PPM1L: variants seen among roughly 807,000 people sequenced by gnomAD.
The protein encoded by PPM1L is protein phosphatase, Mg2+/Mn2+ dependent 1L.
PPM1L carries 13 observed loss-of-function variants against 31.4 expected under a neutral mutation model. The observed-to-expected ratio is 0.41, with a 90% CI of 0.27 to 0.66. The LOEUF (loss-of-function observed/expected upper bound fraction) is 0.66. Ranked by LOEUF, PPM1L falls within the 30% of genes least tolerant of loss-of-function variation. PPM1L has a pLI of 0.29. For synonymous variants in PPM1L, 184 were observed against 175.4 expected (o/e 1.05, Z -0.39); for missense variants, 326 against 453.7 (o/e 0.72, Z 2.56).
chr3:160,761,961 C>G (rs951163144), intron 1 of PPM1L, among the ~76,000 whole-genome samples: 24 of 152,328 alleles, frequency 1.6e-4, no homozygotes, highest in African/African-American at 5.8e-4. Context: ...CTGGGTCCCT[C>G]CCACAATATT....
intron 1 of PPM1L, among the ~76,000 whole-genome samples, chr3:160,789,410 A>G (rs1712032832): frequency 1.3e-5 from 2 of 151,860 alleles, no homozygotes; most frequent in Admixed American, 6.6e-5. Context: ...TCACTCTTCT[A>G]TTTGTATCTC....
chr3:160,821,768 C>T (rs1198691041), intron 1 of PPM1L, among the ~76,000 whole-genome samples: 4 of 151,518 alleles, frequency 2.6e-5, no homozygotes, highest in African/African-American at 9.7e-5. Context: ...ACTTCTTTAT[C>T]TTTAATCCCA....
chr3:160,843,068 T>C (rs1344470718), intron 1 of PPM1L, among the ~76,000 whole-genome samples: 2 of 152,088 alleles, frequency 1.3e-5, no homozygotes, highest in Non-Finnish European at 2.9e-5. Context: ...TAAAGGAATG[T>C]CTCCAAATCT....
intron 1 of PPM1L, among the ~76,000 whole-genome samples, chr3:160,868,930 T>C (rs1272929326): frequency 6.6e-6 from 1 of 152,228 alleles, no homozygotes; most frequent in Non-Finnish European, 1.5e-5. Context: ...GTAATAGTTA[T>C]TGTTTTGGGT....
intron 2 of PPM1L, among the ~76,000 whole-genome samples, chr3:161,020,395 A>AAT (rs1385685072): frequency 1.3e-5 from 2 of 152,176 alleles, no homozygotes; most frequent in Non-Finnish European, 2.9e-5. Flanking sequence ...ACTTCTAATA[A>AAT]AGCTGATTGA....
chr3:160,765,765 A>G (rs1715086993), intron 1 of PPM1L, among the ~76,000 whole-genome samples: 1 of 152,200 alleles, frequency 6.6e-6, no homozygotes, highest in East Asian at 1.9e-4. Context: ...TTTAGGATAA[A>G]TATGTAGGAG....
intron 2 of PPM1L, among the ~76,000 whole-genome samples, chr3:160,965,978 A>G (rs1716129382): frequency 6.6e-6 from 1 of 152,038 alleles, no homozygotes; most frequent in South Asian, 2.1e-4. Context: ...GAATTTTTTC[A>G]CCCTCTCCTT....
chr3:160,924,050 T>C (rs559851032), intron 1 of PPM1L, among the ~76,000 whole-genome samples: 1 of 152,300 alleles, frequency 6.6e-6, no homozygotes, highest in South Asian at 2.1e-4. Flanking sequence ...GTACAACAAA[T>C]GTCCTGTTAA....
chr3:160,983,548 T>C (rs2108036889), intron 2 of PPM1L, among the ~76,000 whole-genome samples: 1 of 152,284 alleles, frequency 6.6e-6, no homozygotes, highest in African/African-American at 2.4e-5. Context: ...CTAGCTACAG[T>C]TGTGCTATTT....
chr3:161,063,462 GATTAT>G (rs1178497436), intron 2 of PPM1L, among the ~76,000 whole-genome samples: 4 of 148,544 alleles, frequency 2.7e-5, no homozygotes, highest in Non-Finnish European at 5.9e-5. Context: ...TATAATAACT[GATTAT>G]ATTATGATAG....
chr3:160,801,179 C>T (rs1411004463), intron 1 of PPM1L, among the ~76,000 whole-genome samples: 1 of 151,144 alleles, frequency 6.6e-6, no homozygotes, highest in African/African-American at 2.4e-5. Context: ...GAATTTTTTG[C>T]CCTTTAATAT....
chr3:161,008,851 T>C (rs1339658748), intron 2 of PPM1L, among the ~76,000 whole-genome samples: 1 of 152,170 alleles, frequency 6.6e-6, no homozygotes, highest in Non-Finnish European at 1.5e-5. Flanking sequence ...TTGGGTCAAG[T>C]AGGCAATTAG....
intron 2 of PPM1L, among the ~76,000 whole-genome samples, chr3:161,041,862 C>T (rs1446200850): frequency 6.6e-6 from 1 of 152,112 alleles, no homozygotes; most frequent in Non-Finnish European, 1.5e-5. Context: ...TTCTTAATGT[C>T]AGAAATTTCC....
chr3:161,013,024 T>C (rs1443300665), intron 2 of PPM1L, among the ~76,000 whole-genome samples: 4 of 152,320 alleles, frequency 2.6e-5, no homozygotes, highest in Middle Eastern at 6.8e-3. Flanking sequence ...TCTGTCTCCT[T>C]CAGTTCTGCT....
At chr3:160,947,055 T>A (rs762777228) in intron 1 of PPM1L, among the ~76,000 whole-genome samples, 1 of 152,164 alleles carries the variant, frequency 6.6e-6, no homozygotes, top group East Asian at 1.9e-4. Context: ...AGCAGCAGCA[T>A]GAGTAAGAAA....
At chr3:161,054,799 C>T (rs1395113021) in intron 2 of PPM1L, among the ~76,000 whole-genome samples, 1 of 152,166 alleles carries the variant, frequency 6.6e-6, no homozygotes, top group Non-Finnish European at 1.5e-5. Context: ...GAGCCTGACG[C>T]ATGGTGAATG....
intron 1 of PPM1L, among the ~76,000 whole-genome samples, chr3:160,918,629 C>T (rs977525659): frequency 1.3e-5 from 2 of 152,092 alleles, no homozygotes; most frequent in African/African-American, 4.8e-5. Context: ...ATAAAAATAT[C>T]CTCCATAGCA....
chr3:161,065,955 G>C (rs1719727305), intron 3 of PPM1L, among the ~76,000 whole-genome samples: 1 of 152,166 alleles, frequency 6.6e-6, no homozygotes, highest in Non-Finnish European at 1.5e-5. Flanking sequence ...ACAATTACTT[G>C]TCCCATAAAA....
intron 2 of PPM1L, among the ~76,000 whole-genome samples, chr3:161,012,834 T>G (rs149819848): frequency 0.36 from 54,599 of 151,956 alleles, 10,312 homozygotes; most frequent in East Asian, 0.64. Context: ...TCTGATGGTA[T>G]TTTGTATTTC....
Sources: allele counts gnomAD v4.1 joint callset (sites outside exome capture counted in the v4.1 genomes callset), GRCh38; gene constraint gnomAD v4.1.1; transcripts MANE v1.5; gene names NCBI Gene and HGNC (gene_info 2026-07-23, HGNC 2026-07-21).